CFAP44: variants seen among roughly 807,000 people sequenced by gnomAD.
CFAP44 encodes the protein cilia and flagella associated protein 44.
Under a neutral mutation model 216.2 loss-of-function variants are expected in CFAP44, and 134 were observed. That is an observed-to-expected ratio of 0.62 (90% CI 0.54 to 0.72). The LOEUF (loss-of-function observed/expected upper bound fraction) is 0.72. Ranked by LOEUF, CFAP44 falls within the 30% of genes least tolerant of loss-of-function variation. The probability of loss-of-function intolerance (pLI) is 0.00; values close to 1 mark genes in which losing one functional copy is unlikely to be tolerated. For synonymous variants in CFAP44, 700 were observed against 727.6 expected (o/e 0.96, Z 0.61); for missense variants, 2,035 against 2,182.1 (o/e 0.93, Z 1.34).
At chr3:113,368,865 A>G (rs1178524591) in intron 18 of CFAP44, among the ~76,000 whole-genome samples, 1 of 152,246 alleles carries the variant, frequency 6.6e-6, no homozygotes, top group African/African-American at 2.4e-5. Flanking sequence ...ACAGAGATAC[A>G]CATAGGCTCA....
At chr3:113,295,437 A>G (rs748240845) in intron 33 of CFAP44, among the ~76,000 whole-genome samples, 2 of 152,194 alleles carry the variant, frequency 1.3e-5, no homozygotes, top group African/African-American at 4.8e-5. Flanking sequence ...TTTAGATTGC[A>G]TATATTATCG....
At chr3:113,396,434 A>G (rs1933992084) in intron 14 of CFAP44, 84 bp downstream of exon 14, 1 of 1,394,014 alleles carries the variant, frequency 7.2e-7, no homozygotes. Flanking sequence ...ATTTCAGTAA[A>G]TAAGACATGA....
At chr3:113,298,839 G>A (rs974675080) in intron 32 of CFAP44, among the ~76,000 whole-genome samples, 2 of 152,192 alleles carry the variant, frequency 1.3e-5, no homozygotes, top group African/African-American at 4.8e-5. Context: ...CGGAGGGAGA[G>A]GAAAATGGGA....
intron 19 of CFAP44, among the ~76,000 whole-genome samples, chr3:113,365,609 A>T (rs960438555): frequency 1.3e-5 from 2 of 152,178 alleles, no homozygotes; most frequent in Admixed American, 6.5e-5. Context: ...TCACATTCTA[A>T]TACTAAAAAC....
At chr3:113,332,492 GT>G (rs1210524029) in intron 25 of CFAP44, among the ~76,000 whole-genome samples, 1 of 152,154 alleles carries the variant, frequency 6.6e-6, no homozygotes, top group Non-Finnish European at 1.5e-5. Flanking sequence ...TAACCATGAT[GT>G]GATTGGCACC....
At chr3:113,431,903 C>T (rs1314943591) in intron 2 of CFAP44, among the ~76,000 whole-genome samples, 2 of 152,164 alleles carry the variant, frequency 1.3e-5, no homozygotes, top group East Asian at 3.9e-4. Context: ...CAGAAAGAGC[C>T]AGCCATCTTT....
chr3:113,354,749 C>G (rs1254007479), intron 22 of CFAP44, among the ~76,000 whole-genome samples: 1 of 152,142 alleles, frequency 6.6e-6, no homozygotes, highest in South Asian at 2.1e-4. Flanking sequence ...GAGCTCTATA[C>G]GGCCCTGCCC....
At chr3:113,346,739 A>G (rs1950387703) in intron 22 of CFAP44, among the ~76,000 whole-genome samples, 1 of 152,256 alleles carries the variant, frequency 6.6e-6, no homozygotes, top group African/African-American at 2.4e-5. Flanking sequence ...AAATGGACCA[A>G]TCAGCACTCT....
In CFAP44 at chr3:113,389,189, A is replaced by T. The variant is rs1460316612; in HGVS notation, c.1890+6561T>A. Among the ~76,000 whole-genome samples, 3 of 152,342 alleles carry T rather than the reference A, an allele frequency of 2.0e-5. No individual in the cohort carries two copies. In the East Asian group the frequency reaches 5.8e-4, roughly 29 times the overall value. On this transcript the variant is annotated intron_variant, in intron 15 of 34. Coordinates refer to ENST00000393845, the MANE Select transcript of CFAP44 (RefSeq NM_001164496.2). ...ATATCAAGTATCTTCTCTGACCACA[A>T]TGGAATAAAATTAGAAATCAATAAA...
chr3:113,293,293 A>G (rs1177343640), intron 34 of CFAP44, among the ~76,000 whole-genome samples: 3 of 152,172 alleles, frequency 2.0e-5, no homozygotes, highest in Non-Finnish European at 4.4e-5. Context: ...CTATATCCCA[A>G]TTCCTGCCTA....
At chr3:113,360,151 C>T (rs1950524458) in intron 21 of CFAP44, 2 of 151,650 alleles carry the variant, frequency 1.3e-5, no homozygotes, top group South Asian at 4.2e-4. Flanking sequence ...TCATCTGCTT[C>T]CAAACCAAGC....
At chr3:113,402,233 C>T (rs1383551596) in intron 9 of CFAP44, among the ~76,000 whole-genome samples, 3 of 152,224 alleles carry the variant, frequency 2.0e-5, no homozygotes, top group Non-Finnish European at 2.9e-5. Flanking sequence ...GAAAATGTTT[C>T]TCTTCCTGAA....
At position 113,337,424 on chromosome 3, in the gene CFAP44, GCAAGATTTTGTATACATATAGA is replaced by G. The variant is rs1388204588; in HGVS notation, c.3438-3863_3438-3842del. 5.1e-4 allele frequency among the ~76,000 whole-genome samples: 77 copies of G among 152,096 alleles called. 1 individual carries two copies. Among genetic ancestry groups the G allele is most frequent in the Admixed American group, 2.3e-3 (35 of 15,276 alleles). On this transcript the variant is annotated intron_variant, in intron 24 of 34. Coordinates refer to ENST00000393845, the MANE Select transcript of CFAP44 (RefSeq NM_001164496.2). ...TAACATAATTCTTATTGAAATTATG[GCAAGATTTTGTATACATATAGA>G]CAAGATTTTTCTGAAATTTATATGG...
chr3:113,379,375 A>C lies in CFAP44; in HGVS notation c.2229T>G (p.Phe743Leu). ...GGATGGGAGAGGGGGTTGACGGAAT[A>C]AATATTTCAGGTAATGGCTCTTCTT... Reference protein sequence around the residue: ...EEEEEPLPEIFIPSTPSPILC... With the variant: ...EEEEEPLPEILIPSTPSPILC... Residue 743 changes from phenylalanine (F) to leucine (L), a missense_variant, in exon 17 of 35, where the codon TTT becomes TTG. This residue lies in a region of CFAP44 where 1,883 missense variants were observed against 2,023.7 expected (regional missense o/e 0.93). Transcript: ENST00000393845. 6.2e-7 allele frequency: 1 copy of C among 1,613,318 alleles called. No individual in the cohort carries two copies. Among genetic ancestry groups the C allele is most frequent in the East Asian group, 2.2e-5 (1 of 44,834 alleles).
chr3:113,398,117 T>C (rs899556971), intron 13 of CFAP44, among the ~76,000 whole-genome samples: 3 of 152,108 alleles, frequency 2.0e-5, no homozygotes, highest in African/African-American at 7.2e-5. Context: ...CAATAAAAAT[T>C]TACTACGTGT....
chr3:113,295,221 C>T (rs192432186), intron 33 of CFAP44, among the ~76,000 whole-genome samples: 1 of 152,298 alleles, frequency 6.6e-6, no homozygotes, highest in East Asian at 1.9e-4. Context: ...GCTTGAGTGG[C>T]CACACATCTG....
intron 5 of CFAP44, among the ~76,000 whole-genome samples, chr3:113,417,569 T>C (rs1934683190): frequency 6.6e-6 from 1 of 152,204 alleles, no homozygotes. Context: ...ATCCCCTGAT[T>C]ACATATAAGA....
At chr3:113,414,842 T>C (rs73237136) in intron 6 of CFAP44, among the ~76,000 whole-genome samples, 37,405 of 151,934 alleles carry the variant, frequency 0.25, 5,365 homozygotes, top group East Asian at 0.58. Flanking sequence ...TATGTCTCTT[T>C]CCGGTTTTGG....
intron 32 of CFAP44, among the ~76,000 whole-genome samples, chr3:113,302,772 C>CAAAAAAAAAAAA (rs57355375): frequency 2.5e-4 from 11 of 44,368 alleles, no homozygotes; most frequent in Non-Finnish European, 3.3e-4. Context: ...GACTCCATCT[C>CAAAAAAAAAAAA]AAAAAAAAAA....
Sources: gnomAD v4.1 joint callset for allele counts (sites outside exome capture counted in the v4.1 genomes callset) on GRCh38, gnomAD v4.1.1 for gene constraint, gnomAD v4.1.1 regional missense constraint, MANE v1.5 for transcripts, NCBI Gene and HGNC (gene_info 2026-07-23, HGNC 2026-07-21) for gene names.